The following KRCC1 variants were observed in gnomAD, a reference collection of about 807,000 sequenced individuals.
KRCC1 encodes the protein lysine rich coiled-coil 1.
KRCC1 carries 3 observed loss-of-function variants against 7.4 expected under a neutral mutation model. The ratio of observed to expected loss-of-function variants is 0.40; its 90% CI spans 0.18 to 1.04. The LOEUF is 1.04. Among genes scored for constraint, KRCC1 ranks in the 50% least tolerant of loss-of-function variants. KRCC1 has a pLI of 0.33. For missense variants in KRCC1, 277 were observed against 300.9 expected, an observed-to-expected ratio of 0.92 and a Z score of 0.59; for synonymous variants, 102 against 101.6, an observed-to-expected ratio of 1.00 and a Z score of -0.02.
At chr2:88,050,309 AT>A (rs533174737) in intron 1 of KRCC1, among the ~76,000 whole-genome samples, 172 of 152,130 alleles carry the variant, frequency 1.1e-3, no homozygotes, top group Admixed American at 3.9e-4. Context: ...AACCGAGTCA[AT>A]TTTTTTTCTT....
intron 1 of KRCC1, among the ~76,000 whole-genome samples, chr2:88,040,201 C>T (rs1428696189): frequency 1.3e-5 from 2 of 152,122 alleles, no homozygotes; most frequent in African/African-American, 4.8e-5. Flanking sequence ...AGGTAAGAAA[C>T]TTGGGGTTAC....
At chr2:88,029,130 A>C (rs1672943766) in intron 3 of KRCC1, among the ~76,000 whole-genome samples, 1 of 152,208 alleles carries the variant, frequency 6.6e-6, no homozygotes, top group African/African-American at 2.4e-5. Context: ...CGAAGAGGGC[A>C]GAAAGGAACC....
chr2:88,040,100 C>CTTAAAATA lies in KRCC1; in HGVS notation c.-290-3050_-290-3049insTATTTTAA, dbSNP rs1214109740. Among the ~76,000 whole-genome samples, 1,170 of 152,284 alleles carry CTTAAAATA rather than the reference C, an allele frequency of 7.7e-3. 14 individuals are homozygous for CTTAAAATA. Among genetic ancestry groups the CTTAAAATA allele is most frequent in the African/African-American group, 0.027 (1,139 of 41,558 alleles). On this transcript the variant is annotated intron_variant, in intron 1 of 3. Transcript: ENST00000347055. ...TTACTGAGGACTAGTTATTTAGAAG[C>CTTAAAATA]TCAAGATATCTTAAAATAGAACAAT...
chr2:88,045,574 C>T (rs1045544446), intron 1 of KRCC1, among the ~76,000 whole-genome samples: 19 of 151,732 alleles, frequency 1.3e-4, no homozygotes, highest in African/African-American at 1.7e-4. Context: ...GGTAGAGGGG[C>T]GAATGGATTG....
chr2:88,035,798 T>A (rs1021536480), intron 2 of KRCC1, among the ~76,000 whole-genome samples: 1 of 152,206 alleles, frequency 6.6e-6, no homozygotes, highest in Non-Finnish European at 1.5e-5. Context: ...AAACTCAAGT[T>A]ATCACAGAGC....
At chr2:88,028,615 A>C in intron 3 of KRCC1, 30 bp from the exon 4 acceptor site, 3 of 1,154,280 alleles carry the variant, frequency 2.6e-6, no homozygotes, top group Non-Finnish European at 3.8e-6. Context: ...TTCTTACCAG[A>C]TCATCTTGTC....
chr2:88,028,643 T>G, intron 3 of KRCC1, 58 bp from the exon 4 acceptor site: 1 of 751,430 alleles, frequency 1.3e-6, no homozygotes, highest in Non-Finnish European at 1.9e-6. Flanking sequence ...TTTCCTTTGC[T>G]CTTTTTTTTT....
chr2:88,044,004 C>T (rs1673274114), intron 1 of KRCC1, among the ~76,000 whole-genome samples: 1 of 152,130 alleles, frequency 6.6e-6, no homozygotes. Context: ...CTCATAAGAA[C>T]TCTATGGGCT....
chr2:88,043,685 T>C (rs1673265642), intron 1 of KRCC1, among the ~76,000 whole-genome samples: 1 of 152,242 alleles, frequency 6.6e-6, no homozygotes, highest in Non-Finnish European at 1.5e-5. Flanking sequence ...AACTTTTTTA[T>C]GGAGATGAAG....
At chr2:88,047,859 T>G (rs1385341874) in intron 1 of KRCC1, among the ~76,000 whole-genome samples, 1 of 152,152 alleles carries the variant, frequency 6.6e-6, no homozygotes, top group African/African-American at 2.4e-5. Context: ...GGTTACTAAA[T>G]ATCTTTAATC....
At chr2:88,031,563 G>A (rs1016958281) in intron 3 of KRCC1, among the ~76,000 whole-genome samples, 2 of 151,582 alleles carry the variant, frequency 1.3e-5, no homozygotes, top group Non-Finnish European at 2.9e-5. Context: ...CAGAGGTTGC[G>A]GTGAGCCGAG....
At chr2:88,044,358 C>T (rs1673283029) in intron 1 of KRCC1, among the ~76,000 whole-genome samples, 2 of 151,206 alleles carry the variant, frequency 1.3e-5, no homozygotes, top group East Asian at 3.9e-4. Context: ...AGTTCAAGAC[C>T]AGCCTGGGCA....
intron 1 of KRCC1, among the ~76,000 whole-genome samples, chr2:88,042,881 ACT>A (rs1673244397): frequency 1.3e-5 from 2 of 151,950 alleles, no homozygotes; most frequent in African/African-American, 4.8e-5. Flanking sequence ...CAAAGAATCT[ACT>A]CTCTTCTTGC....
At chr2:88,044,401 CAAAAAAA>C (rs10527729) in intron 1 of KRCC1, among the ~76,000 whole-genome samples, 9 of 146,650 alleles carry the variant, frequency 6.1e-5, no homozygotes, top group African/African-American at 2.1e-4. Context: ...CAAAAGAAAA[CAAAAAAA>C]AAAAAAAAGA....
chr2:88,043,742 G>C (rs932040256), intron 1 of KRCC1, among the ~76,000 whole-genome samples: 2 of 152,252 alleles, frequency 1.3e-5, no homozygotes, highest in South Asian at 4.1e-4. Flanking sequence ...CCATCTTGGC[G>C]CACTGCAATC....
chr2:88,029,145 C>T (rs1249114444), intron 3 of KRCC1, among the ~76,000 whole-genome samples: 1 of 152,118 alleles, frequency 6.6e-6, no homozygotes, highest in Non-Finnish European at 1.5e-5. Flanking sequence ...GGAACCGATA[C>T]ACATGTTGCT....
chr2:88,053,433 C>A (rs1315249511), intron 1 of KRCC1, among the ~76,000 whole-genome samples: 1 of 152,182 alleles, frequency 6.6e-6, no homozygotes, highest in East Asian at 1.9e-4. Flanking sequence ...TTTTCCACGA[C>A]AAGTTGTTTC....
At chr2:88,050,502 A>G (rs1001301155) in intron 1 of KRCC1, among the ~76,000 whole-genome samples, 7 of 152,212 alleles carry the variant, frequency 4.6e-5, no homozygotes, top group South Asian at 2.1e-4. Context: ...GCATGCCTGT[A>G]ATCCCAGCTA....
At chr2:88,049,393 G>A (rs559529621) in intron 1 of KRCC1, among the ~76,000 whole-genome samples, 1 of 152,080 alleles carries the variant, frequency 6.6e-6, no homozygotes, top group Non-Finnish European at 1.5e-5. Flanking sequence ...GCGTATCAAT[G>A]CTTACGTCCT....
Sources: allele counts gnomAD v4.1 joint callset (sites outside exome capture counted in the v4.1 genomes callset), GRCh38; gene constraint gnomAD v4.1.1; transcripts MANE v1.5; gene names NCBI Gene and HGNC (gene_info 2026-07-23, HGNC 2026-07-21).